Variants in CCSER2 observed in about 807,000 individuals in gnomAD.
CCSER2 encodes the protein serine-rich coiled-coil domain-containing protein 2.
A neutral mutation model predicts 92.3 loss-of-function variants in CCSER2; 46 were observed. The ratio of observed to expected loss-of-function variants is 0.50; its 90% confidence interval spans 0.39 to 0.64. CCSER2 has a LOEUF of 0.64. CCSER2 is among the 30% of genes least tolerant of loss of function. The pLI, the probability that CCSER2 is intolerant of heterozygous loss-of-function variation, is 0.00. For missense variants in CCSER2, 1,244 were observed against 1,238.9 expected, an observed-to-expected ratio of 1.00 and a Z score of -0.06; for synonymous variants, 433 against 431.4, an observed-to-expected ratio of 1.00 and a Z score of -0.04.
chr10:84,399,343 T>A (rs1393161553), intron 3 of CCSER2, among the ~76,000 whole-genome samples: 1 of 152,168 alleles, frequency 6.6e-6, no homozygotes, highest in Non-Finnish European at 1.5e-5. Context: ...AGTTCCATGT[T>A]ACTGTGAAAG....
chr10:84,395,279 T>C (rs1841770986), intron 3 of CCSER2, among the ~76,000 whole-genome samples: 1 of 151,524 alleles, frequency 6.6e-6, no homozygotes, highest in East Asian at 1.9e-4. Flanking sequence ...CCTAGCATAG[T>C]ACCTGGCATA....
At chr10:84,387,873 T>C (rs958942808) in intron 3 of CCSER2, among the ~76,000 whole-genome samples, 4 of 151,916 alleles carry the variant, frequency 2.6e-5, no homozygotes, top group South Asian at 2.1e-4. Context: ...TTCTTTTCTT[T>C]TGTTTTTTTG....
intron 6 of CCSER2, among the ~76,000 whole-genome samples, chr10:84,457,463 AATAT>A (rs1288537809): frequency 9.0e-6 from 1 of 111,290 alleles, no homozygotes; most frequent in Non-Finnish European, 1.7e-5. Context: ...TAAAATATAT[AATAT>A]ATATATAAAA....
intron 4 of CCSER2, among the ~76,000 whole-genome samples, chr10:84,423,606 A>G (rs1843265831): frequency 6.6e-6 from 1 of 152,144 alleles, no homozygotes; most frequent in African/African-American, 2.4e-5. Flanking sequence ...TAACCTATCA[A>G]GTGGTTTTTT....
In CCSER2 at chr10:84,465,111, G is replaced by A. The variant is rs552841283; in HGVS notation, c.2148+1095G>A. The stretch of plus-strand genomic sequence containing the variant: ...CATTAAGTCAGCAGGTTCACAGCAG[G>A]CCATCTCTTAACACTCAGTTGAGAA... On this transcript the variant is annotated intron_variant, in intron 7 of 9. Transcript: ENST00000372088. Among the ~76,000 whole-genome samples the A allele has an allele frequency of 8.1e-4, 122 of 151,550 alleles. 1 individual carries two copies. The highest frequency in any genetic ancestry group is 1.4e-3 in the Non-Finnish European group (98 of 67,938).
At chr10:84,342,114 A>G (rs919673784) in intron 1 of CCSER2, among the ~76,000 whole-genome samples, 1 of 152,030 alleles carries the variant, frequency 6.6e-6, no homozygotes, top group African/African-American at 2.4e-5. Flanking sequence ...ACCTGTACTC[A>G]TGCTCTGGTC....
At chr10:84,353,872 G>A (rs555210906) in intron 1 of CCSER2, among the ~76,000 whole-genome samples, 2 of 149,802 alleles carry the variant, frequency 1.3e-5, no homozygotes, top group African/African-American at 4.8e-5. Flanking sequence ...GCAGAAAAGA[G>A]GGTACAAAAT....
chr10:84,410,060 A>C (rs1052731510), intron 3 of CCSER2, among the ~76,000 whole-genome samples: 1 of 151,846 alleles, frequency 6.6e-6, no homozygotes, highest in African/African-American at 2.4e-5. Flanking sequence ...ATGTCTTCCA[A>C]CTCTAATGAT....
chr10:84,386,450 C>T (rs1841211340), intron 3 of CCSER2, among the ~76,000 whole-genome samples: 1 of 152,188 alleles, frequency 6.6e-6, no homozygotes, highest in South Asian at 2.1e-4. Flanking sequence ...GGCCTAGTGG[C>T]TCATGCCTGT....
intron 1 of CCSER2, among the ~76,000 whole-genome samples, chr10:84,332,432 A>ATT (rs1461942069): frequency 0.068 from 4,898 of 72,372 alleles, 303 homozygotes; most frequent in Non-Finnish European, 0.09. Context: ...ATATATATAT[A>ATT]TATATTTTTT....
At chr10:84,413,106 AT>A (rs200646710) in intron 3 of CCSER2, among the ~76,000 whole-genome samples, 10,106 of 133,314 alleles carry the variant, frequency 0.076, 297 homozygotes, top group Admixed American at 0.11. Context: ...GGATTCATTG[AT>A]TTTTTTTTTT....
chr10:84,457,981 A>G (rs1186448589), intron 6 of CCSER2, among the ~76,000 whole-genome samples: 2 of 151,904 alleles, frequency 1.3e-5, no homozygotes, highest in African/African-American at 4.8e-5. Context: ...TCCTGACCTC[A>G]GGTGATCCGC....
Position 84,425,764 on chromosome 10 carries a change from C to T in CCSER2, c.1739C>T (p.Pro580Leu). The change falls in exon 5 of 10, where the codon CCA becomes CTA. Residue 580 changes from proline to leucine, a missense_variant. Coordinates refer to ENST00000372088, the MANE Select transcript of CCSER2 (RefSeq NM_001284240.2). ...GACAATATGAACCGCTTTGACCGAC[C>T]AGACAGAAATGTTCGGCAGCCTCAG... Reference protein sequence around the residue: ...ECDNMNRFDRPDRNVRQPQEG... With the variant: ...ECDNMNRFDRLDRNVRQPQEG... 6.2e-7 allele frequency: 1 copy of T among 1,613,196 alleles called. No homozygotes were observed. The highest frequency in any genetic ancestry group is 8.5e-7 in the Non-Finnish European group (1 of 1,179,498).
At chr10:84,433,930 C>T (rs974806025) in intron 5 of CCSER2, among the ~76,000 whole-genome samples, 5 of 152,204 alleles carry the variant, frequency 3.3e-5, no homozygotes, top group African/African-American at 9.6e-5. Context: ...ATTTACCTGC[C>T]TGCCTGGGCT....
At chr10:84,431,233 A>G (rs1262472576) in intron 5 of CCSER2, among the ~76,000 whole-genome samples, 1 of 152,148 alleles carries the variant, frequency 6.6e-6, no homozygotes. Flanking sequence ...TAGTTTCACT[A>G]CCCTTCAAAT....
At chr10:84,470,515 C>G in intron 8 of CCSER2, 57 bp downstream of exon 8, 1 of 1,299,502 alleles carries the variant, frequency 7.7e-7, no homozygotes, top group Non-Finnish European at 9.9e-7. Context: ...ATGTGTTTTT[C>G]ATAAAACTCT....
chr10:84,365,116 TA>T (rs971435988), intron 1 of CCSER2, among the ~76,000 whole-genome samples: 52 of 151,482 alleles, frequency 3.4e-4, no homozygotes, highest in South Asian at 2.1e-4. Context: ...TTGCAGAAAC[TA>T]AAAAAAAACT....
At chr10:84,417,992 G>T in intron 4 of CCSER2, 131 bp downstream of exon 4, 1 of 537,880 alleles carries the variant, frequency 1.9e-6, no homozygotes, top group South Asian at 2.9e-5. Context: ...AGTCTTAAGT[G>T]AGGTAAAATA....
rs1249642960 is a variant in CCSER2, at chr10:84,328,638, T to G, written c.-210T>G. The G allele has an allele frequency of 6.9e-6, 1 of 145,582 alleles. No homozygotes were observed. Among genetic ancestry groups the G allele is most frequent in the Non-Finnish European group, 1.5e-5 (1 of 66,306 alleles). 9.0% of individuals were successfully genotyped at this position (145,582 alleles called of 1,614,324 possible). A position where few individuals can be genotyped will look rare whatever the true frequency, so the allele number is the denominator to read the frequency against. On this transcript the variant is annotated 5_prime_UTR_variant, in exon 1 of 10. Transcript: ENST00000372088. The stretch of plus-strand genomic sequence containing the variant: ...GGGAGGGGGCGCGGCGGCTTTGGAG[T>G]CCGGCGCTCCCTCAGGCCGCGGACG...
Sources: gnomAD v4.1 joint callset for allele counts (sites outside exome capture counted in the v4.1 genomes callset) on GRCh38, gnomAD v4.1.1 for gene constraint, MANE v1.5 for transcripts, NCBI Gene and HGNC (gene_info 2026-07-23, HGNC 2026-07-21) for gene names.